The following PCDHAC1 variants were observed in gnomAD, a reference collection of about 807,000 sequenced individuals.
The protein encoded by PCDHAC1 is protocadherin alpha subfamily C, 1, also known as protocadherin alpha-C1.
A neutral mutation model predicts 60.0 loss-of-function variants in PCDHAC1; 42 were observed. The observed-to-expected ratio is 0.70, with a 90% confidence interval of 0.55 to 0.90. PCDHAC1 has a LOEUF of 0.90. Among genes scored for constraint, PCDHAC1 ranks in the 40% least tolerant of loss-of-function variants. The probability of loss-of-function intolerance (pLI) is 0.00; values close to 1 mark genes in which losing one functional copy is unlikely to be tolerated. For missense variants in PCDHAC1, 1,160 were observed against 1,222.3 expected, an observed-to-expected ratio of 0.95 and a Z score of 0.76; for synonymous variants, 468 against 499.3, an observed-to-expected ratio of 0.94 and a Z score of 0.84.
intron 1 of PCDHAC1, among the ~76,000 whole-genome samples, chr5:140,975,398 TCA>T (rs1554236785): frequency 1.3e-4 from 20 of 152,270 alleles, no homozygotes. Flanking sequence ...TCCATCACAA[TCA>T]CAGTCTTGGA....
intron 1 of PCDHAC1, chr5:140,966,850 C>A: frequency 6.4e-7 from 1 of 1,572,900 alleles, no homozygotes; most frequent in Non-Finnish European, 8.6e-7. Flanking sequence ...TACTGCCTCT[C>A]CTGCTGCTGT....
At chr5:140,967,249 G>A (rs782040791) in intron 1 of PCDHAC1, 1 of 1,613,592 alleles carries the variant, frequency 6.2e-7, no homozygotes, top group Non-Finnish European at 8.5e-7. Context: ...GCGAATCGGT[G>A]GCGCCTGGAG....
intron 3 of PCDHAC1, among the ~76,000 whole-genome samples, chr5:140,999,427 G>A (rs1405186577): frequency 6.6e-6 from 1 of 152,172 alleles, no homozygotes; most frequent in Non-Finnish European, 1.5e-5. Flanking sequence ...AAGAGGCCAA[G>A]TACCTTGCCT....
chr5:140,972,661 T>C, intron 1 of PCDHAC1, among the ~76,000 whole-genome samples: 1 of 48,668 alleles, frequency 2.1e-5, no homozygotes, highest in South Asian at 6.9e-4. Flanking sequence ...AGAAACCAAA[T>C]TTTTTTTTTT....
intron 3 of PCDHAC1, among the ~76,000 whole-genome samples, chr5:140,994,545 A>T (rs1397619431): frequency 2.6e-5 from 4 of 152,074 alleles, no homozygotes; most frequent in African/African-American, 9.7e-5. Flanking sequence ...TCTACAAAAA[A>T]AATATAAAAA....
intron 3 of PCDHAC1, among the ~76,000 whole-genome samples, chr5:141,005,783 C>T (rs79683532): frequency 0.097 from 14,322 of 148,270 alleles, 898 homozygotes; most frequent in African/African-American, 0.18. Context: ...TGTAAAGATC[C>T]TGAGGCAAAA....
In PCDHAC1 at chr5:141,012,013, G is replaced by A. The variant is rs181445737; in HGVS notation, c.*2076G>A. 25 of 153,796 alleles carry A rather than the reference G, an allele frequency of 1.6e-4. No homozygotes were observed. The highest frequency in any genetic ancestry group is 2.1e-4 in the South Asian group (1 of 4,818). 9.5% of individuals were successfully genotyped at this position (153,796 alleles called of 1,614,324 possible). A position where few individuals can be genotyped will look rare whatever the true frequency, so the allele number is the denominator to read the frequency against. ...CATTCTCCCATATTTTGAAGGGTGTGTAACTTCAGCTCTGCAGGATTGCAT... is the reference window on the plus strand; with the variant it reads ...CATTCTCCCATATTTTGAAGGGTGTATAACTTCAGCTCTGCAGGATTGCAT... On this transcript the variant is annotated 3_prime_UTR_variant, in exon 4 of 4. Transcript: ENST00000253807.
intron 3 of PCDHAC1, among the ~76,000 whole-genome samples, chr5:140,995,046 A>C (rs193191582): frequency 1.9e-4 from 29 of 152,184 alleles, no homozygotes; most frequent in Non-Finnish European, 3.7e-4. Context: ...CCTTAACTCT[A>C]CTGAATTTTC....
At chr5:140,934,563 T>A (rs1017456946) in intron 1 of PCDHAC1, among the ~76,000 whole-genome samples, 1 of 152,212 alleles carries the variant, frequency 6.6e-6, no homozygotes, top group African/African-American at 2.4e-5. Flanking sequence ...TTCTTTTTTT[T>A]AATTAATTGT....
At chr5:140,964,910 A>G (rs1474342229) in intron 1 of PCDHAC1, among the ~76,000 whole-genome samples, 2 of 152,206 alleles carry the variant, frequency 1.3e-5, no homozygotes, top group African/African-American at 4.8e-5. Context: ...CTTCTCTGGA[A>G]TAACACTGGC....
chr5:140,960,053 G>A (rs2095524432), intron 1 of PCDHAC1, among the ~76,000 whole-genome samples: 3 of 152,156 alleles, frequency 2.0e-5, no homozygotes, highest in Non-Finnish European at 4.4e-5. Flanking sequence ...TTAAAAACAT[G>A]TACAGAAGAT....
chr5:140,975,244 A>G (rs934948446), intron 1 of PCDHAC1, among the ~76,000 whole-genome samples: 6 of 152,120 alleles, frequency 3.9e-5, no homozygotes. Flanking sequence ...AATCCCTCTT[A>G]TGCTTCAGAT....
chr5:140,995,899 A>G (rs900121248), intron 3 of PCDHAC1, among the ~76,000 whole-genome samples: 2 of 152,226 alleles, frequency 1.3e-5, no homozygotes, highest in Non-Finnish European at 2.9e-5. Context: ...ATCAATGTAT[A>G]AAAGAGGAGA....
intron 1 of PCDHAC1, among the ~76,000 whole-genome samples, chr5:140,977,004 A>C (rs1554238156): frequency 6.6e-6 from 1 of 152,222 alleles, no homozygotes; most frequent in East Asian, 1.9e-4. Flanking sequence ...GAAATCTTGT[A>C]ACTGTGATTC....
chr5:140,928,506 A>G lies in PCDHAC1; in HGVS notation c.1614A>G (p.Thr538=), dbSNP rs1554205940. Residue 538 remains threonine (T), a synonymous_variant, in exon 1 of 4, where the codon ACA becomes ACG. Coordinates refer to ENST00000253807, the MANE Select transcript of PCDHAC1 (RefSeq NM_018898.5). The part of the protein sequence containing the change: ...RDGGIPPRSA[T]VTINLFVVDR... ...GTGGCATTCCTCCCAGAAGTGCAAC[A>G]GTGACTATAAACTTGTTTGTGGTAG... 2.5e-6 allele frequency: 4 copies of G among 1,614,090 alleles called. No individual in the cohort carries two copies. The highest frequency in any genetic ancestry group is 1.3e-5 in the African/African-American group (1 of 74,938).
chr5:140,997,188 G>T (rs948891203), intron 3 of PCDHAC1, among the ~76,000 whole-genome samples: 1 of 151,976 alleles, frequency 6.6e-6, no homozygotes, highest in African/African-American at 2.4e-5. Context: ...GACAATTGAT[G>T]AAACTATATT....
At position 140,927,674 on chromosome 5, in the gene PCDHAC1, A is replaced by T. The variant is rs201769803; in HGVS notation, c.782A>T (p.Asp261Val). The T allele has an allele frequency of 6.2e-7, 1 of 1,614,182 alleles. No homozygotes were observed. The highest frequency in any genetic ancestry group is 8.5e-7 in the Non-Finnish European group (1 of 1,180,022). Residue 261 changes from aspartate to valine, a missense_variant, in exon 1 of 4, where the codon GAT becomes GTT. Asp to Val is a radical substitution (Grantham distance 152, BLOSUM62 -3). This residue lies in a region of PCDHAC1 where 1,113 missense variants were observed against 1,163.7 expected (regional missense o/e 0.96). Transcript: ENST00000253807. Reference protein sequence around the residue: ...VLFRVQALDPDEGSNGEVQYS... With the variant: ...VLFRVQALDPVEGSNGEVQYS... The stretch of plus-strand genomic sequence containing the variant: ...TTCCGAGTTCAAGCCTTGGATCCAG[A>T]TGAAGGGTCCAATGGGGAAGTCCAG...
intron 1 of PCDHAC1, among the ~76,000 whole-genome samples, chr5:140,971,432 A>G (rs1446143040): frequency 6.6e-6 from 1 of 152,226 alleles, no homozygotes; most frequent in African/African-American, 2.4e-5. Context: ...AAGAACCCCA[A>G]GATCTACAGC....
At chr5:140,964,792 C>T (rs183206526) in intron 1 of PCDHAC1, among the ~76,000 whole-genome samples, 5 of 151,738 alleles carry the variant, frequency 3.3e-5, no homozygotes, top group African/African-American at 7.3e-5. Context: ...AAGCCAGAGA[C>T]CCAAGAAAGG....
Sources: allele counts gnomAD v4.1 joint callset (sites outside exome capture counted in the v4.1 genomes callset), GRCh38; gene constraint gnomAD v4.1.1; regional missense constraint gnomAD v4.1.1; transcripts MANE v1.5; gene names NCBI Gene and HGNC (gene_info 2026-07-23, HGNC 2026-07-21).